Variants in GNA14 observed in about 807,000 individuals in gnomAD.
GNA14 encodes the protein guanine nucleotide-binding protein subunit alpha-14.
A neutral mutation model predicts 42.0 loss-of-function variants in GNA14; 50 were observed. That is an observed-to-expected ratio of 1.19 (90% CI 0.95 to 1.51). The LOEUF (loss-of-function observed/expected upper bound fraction) is 1.51. GNA14 is among the 40% of genes most tolerant of loss of function. GNA14 has a pLI of 0.00. For synonymous variants in GNA14, 173 were observed against 163.1 expected (o/e 1.06, Z -0.46); for missense variants, 473 against 446.2 (o/e 1.06, Z -0.54).
intron 1 of GNA14, among the ~76,000 whole-genome samples, chr9:77,644,545 G>A (rs1279134770): frequency 6.6e-6 from 1 of 151,498 alleles, no homozygotes. Flanking sequence ...CAAGGAGAGA[G>A]GCCTCCGGAA....
intron 1 of GNA14, among the ~76,000 whole-genome samples, chr9:77,628,888 G>C (rs977791064): frequency 1.3e-5 from 2 of 152,120 alleles, no homozygotes; most frequent in African/African-American, 4.8e-5. Flanking sequence ...ATTGACAAAT[G>C]GGATCAAATT....
rs369337690 is a variant in GNA14 at position 77,640,726 on chromosome 9, G to A, written c.124+6944C>T. 1.8e-4 allele frequency among the ~76,000 whole-genome samples: 28 copies of A among 151,718 alleles called. No homozygotes were observed. The East Asian group carries it at 4.5e-3, about 24-fold the overall frequency. On this transcript the variant is annotated intron_variant, in intron 1 of 6. Coordinates refer to ENST00000341700, the MANE Select transcript of GNA14 (RefSeq NM_004297.4). ...GGACTTGATATCTTTGTTTCAAGTG[G>A]CTTAAAGATTTTTTTTAAAAGATCC...
intron 2 of GNA14, among the ~76,000 whole-genome samples, chr9:77,469,502 T>A (rs1836292217): frequency 6.6e-6 from 1 of 150,670 alleles, no homozygotes; most frequent in Non-Finnish European, 1.5e-5. Context: ...CATATCAAAG[T>A]TTTATACTCT....
chr9:77,640,164 G>A (rs931971486), intron 1 of GNA14, among the ~76,000 whole-genome samples: 1 of 152,220 alleles, frequency 6.6e-6, no homozygotes, highest in Non-Finnish European at 1.5e-5. Context: ...AAGTCCTGTT[G>A]ATGGCTGTGC....
intron 1 of GNA14, among the ~76,000 whole-genome samples, chr9:77,560,746 G>A (rs1023503422): frequency 1.3e-5 from 2 of 152,118 alleles, no homozygotes; most frequent in Non-Finnish European, 2.9e-5. Context: ...ATCTTGAGTA[G>A]CCAAAGCACA....
intron 2 of GNA14, among the ~76,000 whole-genome samples, chr9:77,487,002 C>A (rs1214091248): frequency 1.5e-5 from 2 of 136,962 alleles, no homozygotes; most frequent in South Asian, 2.5e-4. Flanking sequence ...AGTGTTACCA[C>A]AAACCTTCAA....
intron 1 of GNA14, among the ~76,000 whole-genome samples, chr9:77,604,318 TAG>T (rs1823617326): frequency 6.6e-6 from 1 of 152,232 alleles, no homozygotes; most frequent in Non-Finnish European, 1.5e-5. Context: ...CCGGTAGAGA[TAG>T]AGGTTTCCAG....
In GNA14 at chr9:77,466,240, T is replaced by G. The variant is rs147100839; in HGVS notation, c.310-31718A>C. Reference sequence around the variant, plus strand: ...CTCTGGTCTTGTCCTGCATTCCATATGCAAATATTGGGGTGCTAAATGGTG... The same window carrying G: ...CTCTGGTCTTGTCCTGCATTCCATAGGCAAATATTGGGGTGCTAAATGGTG... On this transcript the variant is annotated intron_variant, in intron 2 of 6. Coordinates refer to ENST00000341700, the MANE Select transcript of GNA14 (RefSeq NM_004297.4). Among the ~76,000 whole-genome samples the G allele has an allele frequency of 3.1e-3, 472 of 152,346 alleles. 1 individual carries two copies. Among genetic ancestry groups the G allele is most frequent in the African/African-American group, 0.011 (461 of 41,576 alleles).
At chr9:77,435,367 A>T (rs547906682) in intron 2 of GNA14, among the ~76,000 whole-genome samples, 115 of 152,178 alleles carry the variant, frequency 7.6e-4, no homozygotes, top group Non-Finnish European at 1.2e-3. Context: ...CAAAAAAAAA[A>T]ATATATTAAT....
At chr9:77,466,106 T>C (rs750622028) in intron 2 of GNA14, among the ~76,000 whole-genome samples, 21 of 152,224 alleles carry the variant, frequency 1.4e-4, no homozygotes, top group Non-Finnish European at 2.8e-4. Context: ...TTTCTTTGCA[T>C]TGATCCCACT....
Position 77,595,852 on chromosome 9 carries a change from A to C in GNA14, c.124+51818T>G, listed in dbSNP as rs570018886. On this transcript the variant is annotated intron_variant, in intron 1 of 6. Coordinates refer to ENST00000341700, the MANE Select transcript of GNA14 (RefSeq NM_004297.4). ...AGGCAGTTAGGGATGTTTTCAAAAA[A>C]CAAGCACCTCTTCATGGACTGGGCT... Among the ~76,000 whole-genome samples, 6 of 152,300 alleles carry C rather than the reference A, an allele frequency of 3.9e-5. No homozygotes were observed. The East Asian group carries it at 1.2e-3, about 30-fold the overall frequency.
At chr9:77,620,086 G>A (rs1036430557) in intron 1 of GNA14, among the ~76,000 whole-genome samples, 15 of 151,576 alleles carry the variant, frequency 9.9e-5, no homozygotes, top group Non-Finnish European at 2.9e-5. Context: ...ACGTGTGTGT[G>A]CACACACACA....
chr9:77,522,870 A>G (rs1837380600), intron 2 of GNA14, among the ~76,000 whole-genome samples: 1 of 152,234 alleles, frequency 6.6e-6, no homozygotes, highest in African/African-American at 2.4e-5. Flanking sequence ...GGACTGAGTG[A>G]TAAAGGCATC....
chr9:77,459,860 C>T (rs1564020815), intron 2 of GNA14, among the ~76,000 whole-genome samples: 1 of 152,150 alleles, frequency 6.6e-6, no homozygotes, highest in Non-Finnish European at 1.5e-5. Flanking sequence ...ATCTCTCGCC[C>T]ACCCTCTGCC....
Position 77,458,730 on chromosome 9 carries a change from C to T in GNA14, c.310-24208G>A, listed in dbSNP as rs113009761. Reference sequence around the variant, plus strand: ...TGTATCACAGATTGTTTATCAACATCGAGGGCTTTTCTCTGGCTTTCAAAG... The same window carrying T: ...TGTATCACAGATTGTTTATCAACATTGAGGGCTTTTCTCTGGCTTTCAAAG... On this transcript the variant is annotated intron_variant, in intron 2 of 6. Transcript: ENST00000341700. Among the ~76,000 whole-genome samples, 13 of 152,210 alleles carry T rather than the reference C, an allele frequency of 8.5e-5. 1 individual carries two copies. The highest frequency in any genetic ancestry group is 3.1e-4 in the African/African-American group (13 of 41,536).
chr9:77,505,127 G>A (rs1163263190), intron 2 of GNA14, among the ~76,000 whole-genome samples: 1 of 152,160 alleles, frequency 6.6e-6, no homozygotes, highest in African/African-American at 2.4e-5. Context: ...CAGAGAGTAA[G>A]TCTGGCCAAG....
intron 1 of GNA14, among the ~76,000 whole-genome samples, chr9:77,623,213 T>C (rs541943994): frequency 9.7e-5 from 2 of 20,526 alleles, no homozygotes; most frequent in African/African-American, 2.5e-4. Flanking sequence ...TGAGACGCTG[T>C]CTCAAAAAAA....
intron 1 of GNA14, among the ~76,000 whole-genome samples, chr9:77,570,232 A>G (rs1407667951): frequency 6.6e-6 from 1 of 152,206 alleles, no homozygotes; most frequent in African/African-American, 2.4e-5. Context: ...TTGAAATATA[A>G]TCAACATACT....
intron 2 of GNA14, among the ~76,000 whole-genome samples, chr9:77,455,063 G>A (rs1835976374): frequency 6.6e-6 from 1 of 152,196 alleles, no homozygotes; most frequent in Non-Finnish European, 1.5e-5. Context: ...GTATAACTGG[G>A]TTCTCTGTGC....
Sources: gnomAD v4.1 joint callset for allele counts (sites outside exome capture counted in the v4.1 genomes callset) on GRCh38, gnomAD v4.1.1 for gene constraint, MANE v1.5 for transcripts, NCBI Gene and HGNC (gene_info 2026-07-23, HGNC 2026-07-21) for gene names.